DGKB: variants seen among roughly 807,000 people sequenced by gnomAD.
DGKB encodes the protein diacylglycerol kinase beta.
DGKB carries 67 observed loss-of-function variants against 114.3 expected under a neutral mutation model. The observed-to-expected ratio is 0.59, with a 90% CI of 0.48 to 0.72. The LOEUF (loss-of-function observed/expected upper bound fraction) is 0.72. Ranked by LOEUF, DGKB falls within the 30% of genes least tolerant of loss-of-function variation. The pLI is 0.00. For synonymous variants in DGKB, 398 were observed against 323.1 expected, an observed-to-expected ratio of 1.23 and a Z score of -2.49; for missense variants, 907 against 975.2, an observed-to-expected ratio of 0.93 and a Z score of 0.93.
chr7:14,187,631 A>G (rs892182117), intron 23 of DGKB, among the ~76,000 whole-genome samples: 5 of 152,212 alleles, frequency 3.3e-5, no homozygotes, highest in Non-Finnish European at 5.9e-5. Flanking sequence ...AACTGCATGA[A>G]GACTACAGTA....
intron 13 of DGKB, among the ~76,000 whole-genome samples, chr7:14,640,792 A>C (rs973061438): frequency 6.6e-6 from 1 of 152,232 alleles, no homozygotes; most frequent in African/African-American, 2.4e-5. Context: ...AGTCATGTAC[A>C]TAAATACTTT....
chr7:14,474,143 G>A (rs1781824047), intron 21 of DGKB, among the ~76,000 whole-genome samples: 2 of 152,194 alleles, frequency 1.3e-5, no homozygotes, highest in Non-Finnish European at 2.9e-5. Flanking sequence ...ATATCATCTT[G>A]AATTTCCATT....
intron 1 of DGKB, among the ~76,000 whole-genome samples, chr7:14,890,870 A>T (rs1355727303): frequency 1.5e-4 from 16 of 104,920 alleles, no homozygotes; most frequent in African/African-American, 5.8e-4. Flanking sequence ...AATGCCACAA[A>T]TGAAAAAAAA....
intron 2 of DGKB, among the ~76,000 whole-genome samples, chr7:14,825,036 A>ATATATATC (rs1562636929): frequency 2.1e-5 from 3 of 142,554 alleles, no homozygotes; most frequent in African/African-American, 7.6e-5. Context: ...ATATATATAT[A>ATATATATC]TATATATATA....
At chr7:14,928,837 T>A (rs1282447074) in intron 1 of DGKB, among the ~76,000 whole-genome samples, 1 of 151,880 alleles carries the variant, frequency 6.6e-6, no homozygotes, top group Non-Finnish European at 1.5e-5. Flanking sequence ...TACTCCCTCA[T>A]CCATCTGAGT....
chr7:14,511,820 T>C (rs561830292), intron 20 of DGKB, among the ~76,000 whole-genome samples: 25 of 152,028 alleles, frequency 1.6e-4, no homozygotes, highest in Non-Finnish European at 3.2e-4. Context: ...AATTTCAATA[T>C]TGTGTCTCAG....
intron 23 of DGKB, among the ~76,000 whole-genome samples, chr7:14,263,433 C>A (rs996960224): frequency 6.6e-6 from 1 of 152,172 alleles, no homozygotes; most frequent in Non-Finnish European, 1.5e-5. Flanking sequence ...CAACCCACAA[C>A]TCATTTTCCA....
At chr7:14,600,327 T>G (rs896064763) in intron 17 of DGKB, among the ~76,000 whole-genome samples, 1 of 152,154 alleles carries the variant, frequency 6.6e-6, no homozygotes, top group Non-Finnish European at 1.5e-5. Flanking sequence ...GTGATTAAGG[T>G]TCAATATAAA....
rs527370881 is a variant in DGKB, at chr7:14,276,299, C to T, written c.2122+62216G>A. The stretch of plus-strand genomic sequence containing the variant: ...ATTTTCTTACATTGTATCGACACCA[C>T]GCAAGCCAACATCTTTTAATAGTTT... On this transcript the variant is annotated intron_variant, in intron 23 of 25. Transcript: ENST00000402815. 2.8e-4 allele frequency among the ~76,000 whole-genome samples: 43 copies of T among 152,244 alleles called. 1 individual carries two copies. Among genetic ancestry groups the T allele is most frequent in the Admixed American group, 1.9e-3 (29 of 15,276 alleles).
Position 14,212,408 on chromosome 7 carries a change from T to TATTTACTCTCATGTTTTGTGATA in DGKB, c.2123-34258_2123-34257insTATCACAAAACATGAGAGTAAAT, listed in dbSNP as rs112505092. On this transcript the variant is annotated intron_variant, in intron 23 of 25. Transcript: ENST00000402815. ...TGATATTTACTCTCATGTTTTGTGATTTTACTCTCGTGTTTTGTGATATTT... is the reference window on the plus strand; with the variant it reads ...TGATATTTACTCTCATGTTTTGTGATATTTACTCTCATGTTTTGTGATATTTACTCTCGTGTTTTGTGATATTT... Among the ~76,000 whole-genome samples the TATTTACTCTCATGTTTTGTGATA allele has an allele frequency of 5.4e-4, 12 of 22,048 alleles. 4 individuals are homozygous for TATTTACTCTCATGTTTTGTGATA. In the South Asian group the frequency reaches 9.3e-3, roughly 17 times the overall value. 14.5% of individuals were successfully genotyped at this position (22,048 alleles called of 152,430 possible). A position where few individuals can be genotyped will look rare whatever the true frequency, so the allele number is the denominator to read the frequency against.
chr7:14,345,085 A>C (rs530952587), intron 22 of DGKB, among the ~76,000 whole-genome samples: 1 of 150,956 alleles, frequency 6.6e-6, no homozygotes, highest in Non-Finnish European at 1.5e-5. Context: ...TCATTCTTTT[A>C]TACTATAATA....
chr7:14,414,053 A>G (rs1583753741), intron 21 of DGKB, among the ~76,000 whole-genome samples: 1 of 152,180 alleles, frequency 6.6e-6, no homozygotes, highest in Non-Finnish European at 1.5e-5. Context: ...ACAAGTTGTG[A>G]TATTATACAG....
intron 23 of DGKB, among the ~76,000 whole-genome samples, chr7:14,242,766 G>C (rs1407001620): frequency 3.8e-4 from 58 of 151,798 alleles, no homozygotes; most frequent in Non-Finnish European, 4.4e-5. Flanking sequence ...TAACCTCCAA[G>C]TCAATAATAA....
At chr7:14,516,649 T>C (rs1200020062) in intron 20 of DGKB, among the ~76,000 whole-genome samples, 1 of 152,184 alleles carries the variant, frequency 6.6e-6, no homozygotes, top group African/African-American at 2.4e-5. Flanking sequence ...ATGAATGGGA[T>C]TGCATTCTTG....
intron 21 of DGKB, among the ~76,000 whole-genome samples, chr7:14,411,890 AT>A: frequency 6.6e-6 from 1 of 152,356 alleles, no homozygotes; most frequent in Middle Eastern, 3.4e-3. Context: ...TCATATTAAT[AT>A]AGTAGAATAA....
chr7:14,155,332 A>G (rs920722186), intron 25 of DGKB, among the ~76,000 whole-genome samples: 2 of 152,084 alleles, frequency 1.3e-5, no homozygotes, highest in African/African-American at 4.8e-5. Flanking sequence ...ATAGATACAT[A>G]TGTATTTTTA....
intron 21 of DGKB, among the ~76,000 whole-genome samples, chr7:14,367,155 T>C (rs1389322550): frequency 6.6e-6 from 1 of 152,096 alleles, no homozygotes; most frequent in Non-Finnish European, 1.5e-5. Context: ...AATGATAGTC[T>C]ATAGTGTACT....
At chr7:14,874,113 T>C (rs1211423873) in intron 1 of DGKB, among the ~76,000 whole-genome samples, 7 of 152,110 alleles carry the variant, frequency 4.6e-5, no homozygotes, top group Non-Finnish European at 5.9e-5. Flanking sequence ...AGAAGGGATG[T>C]ACTCAGTTAT....
intron 2 of DGKB, among the ~76,000 whole-genome samples, chr7:14,781,930 G>T (rs1367932291): frequency 6.6e-6 from 1 of 151,800 alleles, no homozygotes; most frequent in Admixed American, 6.6e-5. Flanking sequence ...CTTCCTTCCA[G>T]GAAGACACAG....
Sources: gnomAD v4.1 joint callset for allele counts (sites outside exome capture counted in the v4.1 genomes callset) on GRCh38, gnomAD v4.1.1 for gene constraint, MANE v1.5 for transcripts, NCBI Gene and HGNC (gene_info 2026-07-23, HGNC 2026-07-21) for gene names.